Variants in ITPR2 observed in about 807,000 individuals in gnomAD.
ITPR2 encodes inositol 1,4,5-trisphosphate receptor type 2.
Under a neutral mutation model 317.1 loss-of-function variants are expected in ITPR2, and 207 were observed. That is an observed-to-expected ratio of 0.65 (90% CI 0.58 to 0.73). ITPR2 has a LOEUF of 0.73. Among genes scored for constraint, ITPR2 ranks in the 30% least tolerant of loss-of-function variants. The probability of loss-of-function intolerance (pLI) is 0.00; values close to 1 mark genes in which losing one functional copy is unlikely to be tolerated. For missense variants in ITPR2, 2,613 were observed against 3,284.0 expected, an observed-to-expected ratio of 0.80 and a Z score of 4.99; for synonymous variants, 1,156 against 1,149.1, an observed-to-expected ratio of 1.01 and a Z score of -0.12.
chr12:26,426,217 T>C (rs1019256765), intron 49 of ITPR2, among the ~76,000 whole-genome samples: 1 of 152,196 alleles, frequency 6.6e-6, no homozygotes, highest in Non-Finnish European at 1.5e-5. Flanking sequence ...TCATGTCTTC[T>C]TGAGGGCCAG....
chr12:26,671,715 T>C (rs1431191704), intron 13 of ITPR2, among the ~76,000 whole-genome samples: 1 of 152,086 alleles, frequency 6.6e-6, no homozygotes, highest in Non-Finnish European at 1.5e-5. Context: ...ACTTTAAATG[T>C]AAATGGACTA....
intron 9 of ITPR2, among the ~76,000 whole-genome samples, chr12:26,697,479 C>T (rs761893478): frequency 1.8e-4 from 27 of 152,094 alleles, no homozygotes; most frequent in Non-Finnish European, 2.9e-4. Context: ...TACATAAAGG[C>T]AACGAAATAA....
chr12:26,627,307 C>T (rs988540861), intron 23 of ITPR2: 92 of 152,292 alleles, frequency 6.0e-4, no homozygotes, highest in African/African-American at 2.2e-3. Context: ...AGAAAAACTT[C>T]TCTTGGATTT....
intron 25 of ITPR2, 37 bp downstream of exon 25, chr12:26,622,203 T>C: frequency 3.2e-6 from 5 of 1,575,524 alleles, no homozygotes; most frequent in Non-Finnish European, 4.3e-6. Context: ...CTTTCAGAGC[T>C]TTTGCTGTGG....
rs1001010483 is a variant in ITPR2, at chr12:26,342,512, G to T, written c.7858-2184C>A. On this transcript the variant is annotated intron_variant, in intron 55 of 56. Coordinates refer to ENST00000381340, the MANE Select transcript of ITPR2 (RefSeq NM_002223.4). ...GTCACGGCGGTGGGGGGGGGGGGGG[G>T]GCGGGGGTCAGATCCCTCAGGAATT... Among the ~76,000 whole-genome samples, 4 of 63,038 alleles carry T rather than the reference G, an allele frequency of 6.3e-5. 1 individual carries two copies. In the East Asian group the frequency reaches 1.5e-3, roughly 23 times the overall value. 41.4% of individuals were successfully genotyped at this position (63,038 alleles called of 152,430 possible). A position where few individuals can be genotyped will look rare whatever the true frequency, so the allele number is the denominator to read the frequency against.
In ITPR2 at chr12:26,833,117, CCCTCT is replaced by C. The variant is rs1227555764; in HGVS notation, c.-341_-337del. 7.4e-6 allele frequency: 2 copies of C among 270,522 alleles called. No individual in the cohort carries two copies. Among genetic ancestry groups the C allele is most frequent in the Non-Finnish European group, 1.4e-5 (2 of 144,122 alleles). 16.8% of individuals were successfully genotyped at this position (270,522 alleles called of 1,614,324 possible). A position where few individuals can be genotyped will look rare whatever the true frequency, so the allele number is the denominator to read the frequency against. Reference sequence around the variant, plus strand: ...ACCTTTGCTCCTCCTCCTCCTCCTTCCCTCTCCGCTCCCCACTCCGTGTCCACTCC... The same window carrying C: ...ACCTTTGCTCCTCCTCCTCCTCCTTCCCGCTCCCCACTCCGTGTCCACTCC... On this transcript the variant is annotated 5_prime_UTR_variant, in exon 1 of 57. Transcript: ENST00000381340.
intron 39 of ITPR2, 144 bp downstream of exon 39, chr12:26,494,009 T>G: frequency 1.7e-6 from 1 of 585,630 alleles, no homozygotes; most frequent in Non-Finnish European, 2.8e-6. Context: ...CAAACAAATT[T>G]AAGAAAAGTG....
chr12:26,499,160 A>C (rs1943016334), intron 37 of ITPR2, among the ~76,000 whole-genome samples: 1 of 152,244 alleles, frequency 6.6e-6, no homozygotes. Flanking sequence ...AACCAACCAA[A>C]GAGTAGAATT....
In ITPR2 at chr12:26,709,314, A is replaced by G. The variant is rs939865280; in HGVS notation, c.951+1859T>C. On this transcript the variant is annotated intron_variant, in intron 9 of 56. Coordinates refer to ENST00000381340, the MANE Select transcript of ITPR2 (RefSeq NM_002223.4). ...CTCCTCCCACTAGACCATAAAAAAG[A>G]TGTTATCTAAAGTATTAAAGGTCAA... is the stretch of plus-strand genomic sequence containing the variant. 8.5e-5 allele frequency among the ~76,000 whole-genome samples: 13 copies of G among 152,322 alleles called. No individual in the cohort carries two copies. The South Asian group carries it at 1.2e-3, about 15-fold the overall frequency.
Position 26,631,942 on chromosome 12 carries a change from C to T in ITPR2, c.2858G>A (p.Ser953Asn). 1.9e-6 allele frequency: 3 copies of T among 1,613,934 alleles called. No individual in the cohort carries two copies. Among genetic ancestry groups the T allele is most frequent in the Non-Finnish European group, 2.5e-6 (3 of 1,179,950 alleles). Residue 953 changes from serine (S) to asparagine (N), a missense_variant, in exon 22 of 57, where the codon AGC becomes AAC. This residue lies in a region of ITPR2 where 817 missense variants were observed against 897.6 expected (regional missense o/e 0.91). Coordinates refer to ENST00000381340, the MANE Select transcript of ITPR2 (RefSeq NM_002223.4). ...VPDVPPSIHP[S>N]KQGSPTEHED... The stretch of plus-strand genomic sequence containing the variant: ...GTGCTCGGTGGGGCTCCCTTGCTTG[C>T]TCGGGTGGATGCTGGGTGGCACATC...
intron 2 of ITPR2, among the ~76,000 whole-genome samples, chr12:26,733,049 AGGCCAGGCACG>A (rs1157680227): frequency 1.3e-5 from 2 of 152,188 alleles, no homozygotes; most frequent in Non-Finnish European, 2.9e-5. Flanking sequence ...ACCACTGGCC[AGGCCAGGCACG>A]GTGGCTCATG....
chr12:26,545,997 A>C (rs1944383804), intron 37 of ITPR2, among the ~76,000 whole-genome samples: 1 of 152,232 alleles, frequency 6.6e-6, no homozygotes, highest in Non-Finnish European at 1.5e-5. Flanking sequence ...AAACACTTAG[A>C]ATTAAAAAGT....
intron 2 of ITPR2, among the ~76,000 whole-genome samples, chr12:26,740,335 G>A (rs1221668684): frequency 6.6e-6 from 1 of 152,142 alleles, no homozygotes; most frequent in Non-Finnish European, 1.5e-5. Context: ...CACCAAATAT[G>A]TTAAAATCCG....
At chr12:26,756,359 T>C (rs1342613253) in intron 2 of ITPR2, among the ~76,000 whole-genome samples, 1 of 152,204 alleles carries the variant, frequency 6.6e-6, no homozygotes, top group East Asian at 1.9e-4. Context: ...GGATCAGTAT[T>C]CTAATTCTGT....
At chr12:26,814,855 C>A (rs1341989284) in intron 1 of ITPR2, among the ~76,000 whole-genome samples, 1 of 152,050 alleles carries the variant, frequency 6.6e-6, no homozygotes, top group Non-Finnish European at 1.5e-5. Flanking sequence ...CTTTTCAATC[C>A]CAATGACTTG....
chr12:26,627,146 T>A (rs1271482621), intron 23 of ITPR2: 1 of 152,188 alleles, frequency 6.6e-6, no homozygotes, highest in African/African-American at 2.4e-5. Context: ...GTAAATTTTT[T>A]TAAAAAAAAT....
chr12:26,532,848 G>C (rs1943982247), intron 37 of ITPR2, among the ~76,000 whole-genome samples: 1 of 151,992 alleles, frequency 6.6e-6, no homozygotes. Context: ...ACCACGCCCA[G>C]CTAATTTTTG....
chr12:26,450,760 G>C (rs1941718107), intron 45 of ITPR2, among the ~76,000 whole-genome samples: 1 of 152,108 alleles, frequency 6.6e-6, no homozygotes, highest in South Asian at 2.1e-4. Context: ...AAACAATCCA[G>C]AAGACACGTG....
chr12:26,348,662 G>T (rs1361439832), intron 55 of ITPR2, among the ~76,000 whole-genome samples: 1 of 152,198 alleles, frequency 6.6e-6, no homozygotes, highest in Non-Finnish European at 1.5e-5. Flanking sequence ...GACTGCAGGT[G>T]ACAGAGAAAG....
Sources: allele counts gnomAD v4.1 joint callset (sites outside exome capture counted in the v4.1 genomes callset), GRCh38; gene constraint gnomAD v4.1.1; regional missense constraint gnomAD v4.1.1; transcripts MANE v1.5; gene names NCBI Gene and HGNC (gene_info 2026-07-23, HGNC 2026-07-21).